Variants in VPS13C observed in about 807,000 individuals in gnomAD.
The protein encoded by VPS13C is intermembrane lipid transfer protein VPS13C.
A neutral mutation model predicts 456.8 loss-of-function variants in VPS13C; 358 were observed. That is an observed-to-expected ratio of 0.78 (90% confidence interval 0.72 to 0.86). The LOEUF is 0.86. VPS13C is among the 40% of genes least tolerant of loss of function. The probability of loss-of-function intolerance (pLI) is 0.00; values close to 1 mark genes in which losing one functional copy is unlikely to be tolerated. For synonymous variants in VPS13C, 1,578 were observed against 1,486.7 expected, an observed-to-expected ratio of 1.06 and a Z score of -1.41; for missense variants, 4,818 against 4,385.4, an observed-to-expected ratio of 1.10 and a Z score of -2.79.
Position 61,967,413 on chromosome 15 carries a change from A to G in VPS13C, c.2946T>C (p.Ser982=). 1 of 1,605,722 alleles carries G rather than the reference A, an allele frequency of 6.2e-7. No homozygotes were observed. Among genetic ancestry groups the G allele is most frequent in the South Asian group, 1.1e-5 (1 of 89,404 alleles). ...SKRKPLHLIS[S]SDKPGLDLLK... is the part of the protein sequence containing the mutation. ...AAAGATCTAATCCAGGTTTGTCAGA[A>G]GAGCTAATCAAGTGAAGGGGCTTCC... The change falls in exon 29 of 85, where the codon TCT becomes TCC. Residue 982 remains serine, a synonymous_variant. Coordinates refer to ENST00000644861, the MANE Select transcript of VPS13C (RefSeq NM_020821.3).
intron 24 of VPS13C, among the ~76,000 whole-genome samples, chr15:61,975,294 A>G (rs1474900421): frequency 1.3e-5 from 2 of 151,934 alleles, no homozygotes; most frequent in East Asian, 1.9e-4. Context: ...GGAAATCAGG[A>G]AAAAAAAGAA....
intron 76 of VPS13C, 124 bp from the exon 77 acceptor site, chr15:61,875,075 T>C (rs112590899): frequency 1.2e-6 from 1 of 807,366 alleles, no homozygotes; most frequent in South Asian, 2.9e-5. Context: ...TTGTGATGAA[T>C]CAATTTTCAC....
At chr15:61,920,410 T>C in intron 56 of VPS13C, 79 bp from the exon 57 acceptor site, 1 of 1,497,110 alleles carries the variant, frequency 6.7e-7, no homozygotes, top group Middle Eastern at 2.0e-4. Context: ...AATTACACAT[T>C]TTTTGGAAAC....
At chr15:62,040,555 G>T (rs957423420) in intron 3 of VPS13C, among the ~76,000 whole-genome samples, 1 of 151,934 alleles carries the variant, frequency 6.6e-6, no homozygotes. Context: ...CCAAAAAGGG[G>T]TAGGGATTGA....
rs142677041 is a variant in VPS13C at position 61,984,622 on chromosome 15, T to C, written c.1721+235A>G. ...GCTTTTACATTATTGAGCCTATAAA[T>C]TAAATACTATCCAATAAATATTCAC... On this transcript the variant is annotated intron_variant, in intron 19 of 84. Transcript: ENST00000644861. Among the ~76,000 whole-genome samples the C allele has an allele frequency of 9.5e-4, 145 of 152,256 alleles. 1 individual carries two copies. Among genetic ancestry groups the C allele is most frequent in the African/African-American group, 3.4e-3 (142 of 41,540 alleles).
At position 61,869,116 on chromosome 15, in the gene VPS13C, C is replaced by CTTTTTTTTTTT. The variant is rs68084709; in HGVS notation, c.10749-354_10749-344dup. On this transcript the variant is annotated intron_variant, in intron 80 of 84. Coordinates refer to ENST00000644861, the MANE Select transcript of VPS13C (RefSeq NM_020821.3). ...ATATGTCTCTTTTCTTTTCTTTTTT[C>CTTTTTTTTTTT]TTTTTTTTTTTTTTTTTTTGAGACA... 6.9e-5 allele frequency among the ~76,000 whole-genome samples: 9 copies of CTTTTTTTTTTT among 131,300 alleles called. 1 individual carries two copies. The highest frequency in any genetic ancestry group is 4.6e-4 in the East Asian group (2 of 4,318). 86.1% of individuals were successfully genotyped at this position (131,300 alleles called of 152,430 possible).
intron 34 of VPS13C, 50 bp from the exon 35 acceptor site, chr15:61,961,943 T>A: frequency 6.5e-7 from 1 of 1,533,924 alleles, no homozygotes; most frequent in Non-Finnish European, 8.7e-7. Context: ...TACAGGCACA[T>A]CAATAATAAC....
intron 15 of VPS13C, among the ~76,000 whole-genome samples, chr15:62,001,269 C>A (rs1340978759): frequency 6.6e-6 from 1 of 152,182 alleles, no homozygotes; most frequent in East Asian, 1.9e-4. Flanking sequence ...ATCAGAAGGA[C>A]ACTTGGTAAA....
At chr15:61,866,196 C>T (rs1244157534) in intron 81 of VPS13C, 39 of 984,768 alleles carry the variant, frequency 4.0e-5, no homozygotes, top group South Asian at 9.4e-5. Flanking sequence ...TTGACATCCA[C>T]GACAAAAACT....
intron 51 of VPS13C, 27 bp from the exon 52 acceptor site, chr15:61,927,347 A>G (rs373361801): frequency 1.9e-6 from 3 of 1,595,282 alleles, no homozygotes; most frequent in African/African-American, 2.7e-5. Context: ...CAGGAACCAG[A>G]AAAGTTTAAG....
intron 50 of VPS13C, among the ~76,000 whole-genome samples, chr15:61,930,831 A>C (rs2044030256): frequency 6.6e-6 from 1 of 152,230 alleles, no homozygotes; most frequent in East Asian, 1.9e-4. Flanking sequence ...CCCCATGTGG[A>C]TTTAACTATT....
chr15:61,858,659 G>A lies in VPS13C; in HGVS notation c.10953-2250C>T, dbSNP rs1261635817. Among the ~76,000 whole-genome samples the A allele has an allele frequency of 6.6e-6, 1 of 152,148 alleles. No homozygotes were observed. Among genetic ancestry groups the A allele is most frequent in the Non-Finnish European group, 1.5e-5 (1 of 68,030 alleles). On this transcript the variant is annotated intron_variant, in intron 82 of 84. Transcript: ENST00000644861. The surrounding 1 kb of genome is among the most constrained non-coding windows in gnomAD (Gnocchi z 4.4). ...CTGAGCAAAAATAGTTTATGTAGGT[G>A]GGCCTGACCTAAGTTCATGGACTAT...
In VPS13C at chr15:61,890,411, G is replaced by T; in HGVS notation, c.9106-11C>A. ...CTGTCCACATCCATCCTGGGAAGAAGAAAGACTTCATTAAACCCACACATA... is the reference window on the plus strand; with the variant it reads ...CTGTCCACATCCATCCTGGGAAGAATAAAGACTTCATTAAACCCACACATA... On this transcript the variant is annotated splice_polypyrimidine_tract_variant and intron_variant, in intron 66 of 84. Coordinates refer to ENST00000644861, the MANE Select transcript of VPS13C (RefSeq NM_020821.3). 1 of 1,609,358 alleles carries T rather than the reference G, an allele frequency of 6.2e-7. No homozygotes were observed. The highest frequency in any genetic ancestry group is 8.5e-7 in the Non-Finnish European group (1 of 1,176,338).
chr15:61,865,764 A>G, intron 81 of VPS13C: 3 of 679,026 alleles, frequency 4.4e-6, no homozygotes, highest in African/African-American at 2.0e-5. Flanking sequence ...ACATATATGT[A>G]CGTGTGTATA....
At chr15:61,862,725 C>A (rs1277158186) in intron 82 of VPS13C, among the ~76,000 whole-genome samples, 1 of 152,142 alleles carries the variant, frequency 6.6e-6, no homozygotes, top group African/African-American at 2.4e-5. Flanking sequence ...AGGATTCTGA[C>A]ATGACTGGTT....
Position 61,961,792 on chromosome 15 carries a change from C to T in VPS13C, c.3705G>A (p.Arg1235=). The change falls in exon 35 of 85, where the codon AGG becomes AGA. Residue 1235 remains arginine, a synonymous_variant. Coordinates refer to ENST00000644861, the MANE Select transcript of VPS13C (RefSeq NM_020821.3). The stretch of plus-strand genomic sequence containing the variant: ...CAATATTGATGGAAACACGAAAACT[C>T]CTCTGGGCAAGATCTTTCACACTTG... ...AATSVKDLAQ[R]SFRVSINIDL... 6.2e-7 allele frequency: 1 copy of T among 1,614,026 alleles called. No homozygotes were observed.
chr15:61,975,690 C>T (rs561809174), intron 24 of VPS13C, among the ~76,000 whole-genome samples: 1 of 152,076 alleles, frequency 6.6e-6, no homozygotes, highest in South Asian at 2.1e-4. Flanking sequence ...TGAATTCTAC[C>T]TAGCATTTTA....
In VPS13C at chr15:61,916,478, C is replaced by T. The variant is rs1035954625; in HGVS notation, c.8056-456G>A. Among the ~76,000 whole-genome samples the T allele has an allele frequency of 9.2e-5, 14 of 152,250 alleles. 1 individual carries two copies. The South Asian group carries it at 2.7e-3, about 29-fold the overall frequency. ...GTAAAAAGTTACTCTGACGAGTTAT[C>T]TAAGTAAGGTGGCATTATTTGAAAA... On this transcript the variant is annotated intron_variant, in intron 60 of 84. Transcript: ENST00000644861.
intron 1 of VPS13C, among the ~76,000 whole-genome samples, chr15:62,048,043 G>C (rs2048478831): frequency 6.6e-6 from 1 of 150,510 alleles, no homozygotes; most frequent in Non-Finnish European, 1.5e-5. Flanking sequence ...CTGAAGGAAG[G>C]GTAAATATTT....
Sources: allele counts gnomAD v4.1 joint callset (sites outside exome capture counted in the v4.1 genomes callset), GRCh38; gene constraint gnomAD v4.1.1; non-coding constraint Gnocchi (gnomAD v3.1); transcripts MANE v1.5; gene names NCBI Gene and HGNC (gene_info 2026-07-23, HGNC 2026-07-21).